MCUB: variants seen among roughly 807,000 people sequenced by gnomAD.
The protein encoded by MCUB is mitochondrial calcium uniporter dominant negative subunit beta.
Under a neutral mutation model 41.4 loss-of-function variants are expected in MCUB, and 46 were observed. That is an observed-to-expected ratio of 1.11 (90% CI 0.88 to 1.42). The LOEUF is 1.42. MCUB is among the 40% of genes most tolerant of loss of function. The pLI, the probability that MCUB is intolerant of heterozygous loss-of-function variation, is 0.00. For missense variants in MCUB, 403 were observed against 404.9 expected (o/e 1.00, Z 0.04); for synonymous variants, 148 against 148.2 (o/e 1.00, Z 0.01).
At chr4:109,673,996 G>A (rs1345311595) in intron 4 of MCUB, 3 of 1,043,178 alleles carry the variant, frequency 2.9e-6, no homozygotes, top group African/African-American at 1.6e-5. Flanking sequence ...GAAGAGCAGG[G>A]GAAATACTAA....
At chr4:109,563,409 T>G (rs1318856048) in intron 1 of MCUB, among the ~76,000 whole-genome samples, 1 of 152,234 alleles carries the variant, frequency 6.6e-6, no homozygotes, top group Non-Finnish European at 1.5e-5. Flanking sequence ...TCTTTTTAAT[T>G]TAATGAACAT....
chr4:109,591,563 G>C (rs1310313421), intron 1 of MCUB, among the ~76,000 whole-genome samples: 1 of 152,120 alleles, frequency 6.6e-6, no homozygotes, highest in East Asian at 1.9e-4. Flanking sequence ...CAGTAGACTT[G>C]GGGGAGGGGG....
At chr4:109,655,710 C>G (rs1228151143) in intron 1 of MCUB, among the ~76,000 whole-genome samples, 1 of 152,008 alleles carries the variant, frequency 6.6e-6, no homozygotes, top group Non-Finnish European at 1.5e-5. Flanking sequence ...TGATTCTACG[C>G]AGAAATCTAG....
chr4:109,650,161 G>A (rs1203803885), intron 1 of MCUB, among the ~76,000 whole-genome samples: 1 of 152,104 alleles, frequency 6.6e-6, no homozygotes, highest in Non-Finnish European at 1.5e-5. Context: ...ATTCAGCTCT[G>A]CATGCATGAT....
rs1266542815 is a variant in MCUB at position 109,571,227 on chromosome 4, T to A, written c.99+10791T>A. On this transcript the variant is annotated intron_variant, in intron 1 of 7. Transcript: ENST00000394650. ...CTTTTTCCTTCCCCAAACTGTTTTT[T>A]TAAGAAACGAATTTTATATATCTTT... Among the ~76,000 whole-genome samples, 3 of 152,218 alleles carry A rather than the reference T, an allele frequency of 2.0e-5. No homozygotes were observed. The East Asian group carries it at 5.8e-4, about 29-fold the overall frequency.
intron 1 of MCUB, among the ~76,000 whole-genome samples, 184 bp from the exon 2 acceptor site, chr4:109,658,827 C>T (rs1729162814): frequency 2.0e-5 from 3 of 152,074 alleles, no homozygotes; most frequent in Non-Finnish European, 4.4e-5. Context: ...TAGTAGCAGG[C>T]AAGCATATAG....
At chr4:109,589,081 TTG>T (rs1727374694) in intron 1 of MCUB, among the ~76,000 whole-genome samples, 3 of 152,238 alleles carry the variant, frequency 2.0e-5, no homozygotes, top group South Asian at 4.1e-4. Context: ...GAAATTATTT[TTG>T]TGTAACTATG....
chr4:109,575,292 T>C (rs1306981929), intron 1 of MCUB, among the ~76,000 whole-genome samples: 1 of 152,256 alleles, frequency 6.6e-6, no homozygotes, highest in African/African-American at 2.4e-5. Context: ...ATTTATAGTG[T>C]AATAACTATT....
intron 2 of MCUB, among the ~76,000 whole-genome samples, chr4:109,659,763 C>T (rs78267951): frequency 0.018 from 2,703 of 152,278 alleles, 67 homozygotes; most frequent in Non-Finnish European, 0.022. Context: ...CTGAAGCCAT[C>T]GTCCCAGCTC....
intron 4 of MCUB, among the ~76,000 whole-genome samples, chr4:109,665,963 A>T (rs1248512025): frequency 2.0e-5 from 3 of 152,018 alleles, no homozygotes; most frequent in Middle Eastern, 3.4e-3. Flanking sequence ...GGAAAAAAAG[A>T]AAGGCAAGAG....
intron 1 of MCUB, among the ~76,000 whole-genome samples, chr4:109,645,150 T>C (rs1477482156): frequency 1.3e-5 from 2 of 152,204 alleles, no homozygotes; most frequent in Non-Finnish European, 2.9e-5. Flanking sequence ...CTCTCCTTTA[T>C]TCTTTTTCTT....
At chr4:109,604,847 T>G (rs1212678543) in intron 1 of MCUB, among the ~76,000 whole-genome samples, 1 of 152,200 alleles carries the variant, frequency 6.6e-6, no homozygotes, top group African/African-American at 2.4e-5. Context: ...TGTCAAACCA[T>G]GGTTCCCTCC....
At chr4:109,633,136 ATAAATT>A (rs1288772927) in intron 1 of MCUB, among the ~76,000 whole-genome samples, 1 of 152,208 alleles carries the variant, frequency 6.6e-6, no homozygotes, top group Non-Finnish European at 1.5e-5. Flanking sequence ...ATGTATGACT[ATAAATT>A]TATAACAGAA....
intron 1 of MCUB, among the ~76,000 whole-genome samples, chr4:109,578,220 T>C (rs1727077889): frequency 6.6e-6 from 1 of 152,194 alleles, no homozygotes; most frequent in South Asian, 2.1e-4. Context: ...AATTTTAAAG[T>C]TATCCTCCTA....
chr4:109,626,429 C>T (rs1728360621), intron 1 of MCUB, among the ~76,000 whole-genome samples: 1 of 152,118 alleles, frequency 6.6e-6, no homozygotes, highest in African/African-American at 2.4e-5. Flanking sequence ...GTGCTATCAT[C>T]TCTGTCGCTA....
intron 1 of MCUB, among the ~76,000 whole-genome samples, chr4:109,618,406 C>T (rs1437999536): frequency 6.6e-6 from 1 of 152,194 alleles, no homozygotes; most frequent in Non-Finnish European, 1.5e-5. Flanking sequence ...AATGCTCTTA[C>T]ATTAGCTCTT....
chr4:109,605,855 G>A (rs1727857509), intron 1 of MCUB, among the ~76,000 whole-genome samples: 1 of 151,900 alleles, frequency 6.6e-6, no homozygotes, highest in Admixed American at 6.6e-5. Flanking sequence ...TTTTTGGGGG[G>A]GTTCCATTAG....
chr4:109,568,476 C>G (rs1726833687), intron 1 of MCUB, among the ~76,000 whole-genome samples: 1 of 152,034 alleles, frequency 6.6e-6, no homozygotes, highest in Non-Finnish European at 1.5e-5. Context: ...TTTCACCCCT[C>G]GTTGCTGATG....
chr4:109,674,708 G>C (rs1302031246), intron 4 of MCUB, among the ~76,000 whole-genome samples: 1 of 152,218 alleles, frequency 6.6e-6, no homozygotes, highest in Non-Finnish European at 1.5e-5. Context: ...TTGTAAACAT[G>C]AGAATAACTT....
Sources: allele counts gnomAD v4.1 joint callset (sites outside exome capture counted in the v4.1 genomes callset), GRCh38; gene constraint gnomAD v4.1.1; transcripts MANE v1.5; gene names NCBI Gene and HGNC (gene_info 2026-07-23, HGNC 2026-07-21).